Variants in ITGBL1 observed in about 807,000 individuals in gnomAD.
ITGBL1 encodes integrin subunit beta like 1.
In ITGBL1, 51 loss-of-function variants were observed where a neutral mutation model predicts 68.5. The observed-to-expected ratio is 0.74, with a 90% CI of 0.59 to 0.94. The LOEUF is 0.94. ITGBL1 is among the 40% of genes least tolerant of loss of function. The probability of loss-of-function intolerance (pLI) is 0.00; values close to 1 mark genes in which losing one functional copy is unlikely to be tolerated. For synonymous variants in ITGBL1, 209 were observed against 227.3 expected (o/e 0.92, Z 0.72); for missense variants, 649 against 647.4 (o/e 1.00, Z -0.03).
At chr13:101,633,185 G>A (rs1457400359) in intron 7 of ITGBL1, among the ~76,000 whole-genome samples, 1 of 152,138 alleles carries the variant, frequency 6.6e-6, no homozygotes, top group African/African-American at 2.4e-5. Context: ...GCATATCACA[G>A]TTGGGACCAC....
chr13:101,709,421 G>A (rs1342723930), intron 9 of ITGBL1, among the ~76,000 whole-genome samples: 1 of 150,242 alleles, frequency 6.7e-6, no homozygotes, highest in Non-Finnish European at 1.5e-5. Context: ...AGGAGGCAGG[G>A]ATGGAATTAA....
downstream of ITGBL1, chr13:101,716,463 A>ATATC (rs1407873006): frequency 6.6e-6 from 1 of 152,198 alleles, no homozygotes; most frequent in Non-Finnish European, 1.5e-5. Flanking sequence ...GTCAGTATAT[A>ATATC]TATCTACTGA....
At chr13:101,544,860 G>T (rs917051783) in intron 2 of ITGBL1, among the ~76,000 whole-genome samples, 1 of 152,232 alleles carries the variant, frequency 6.6e-6, no homozygotes, top group African/African-American at 2.4e-5. Context: ...AGTCAGGCGC[G>T]AGATATAATC....
At chr13:101,460,132 A>G (rs2048298568) in intron 2 of ITGBL1, among the ~76,000 whole-genome samples, 1 of 151,732 alleles carries the variant, frequency 6.6e-6, no homozygotes, top group South Asian at 2.1e-4. Context: ...TTCAATCCTC[A>G]TCCTGTCTTC....
chr13:101,579,801 A>T (rs573398671), intron 5 of ITGBL1, among the ~76,000 whole-genome samples: 1 of 152,320 alleles, frequency 6.6e-6, no homozygotes, highest in Admixed American at 6.5e-5. Context: ...AATTATCCGT[A>T]GAGAATTCAG....
intron 2 of ITGBL1, among the ~76,000 whole-genome samples, chr13:101,529,888 C>T (rs995392608): frequency 1.3e-5 from 2 of 152,094 alleles, no homozygotes; most frequent in African/African-American, 4.8e-5. Flanking sequence ...TCAGGTAGTT[C>T]TTTTTGGCAG....
chr13:101,620,250 T>C (rs1406994451), intron 7 of ITGBL1, among the ~76,000 whole-genome samples: 1 of 152,164 alleles, frequency 6.6e-6, no homozygotes, highest in Non-Finnish European at 1.5e-5. Context: ...GGAGTCCTTT[T>C]TAATAAAATG....
At chr13:101,475,789 T>TG (rs1468648462) in intron 2 of ITGBL1, among the ~76,000 whole-genome samples, 2 of 50,720 alleles carry the variant, frequency 3.9e-5, no homozygotes, top group Admixed American at 2.9e-4. Context: ...AAAATGCTGA[T>TG]GGGGGGCAGG....
At chr13:101,670,850 A>G (rs1473162223) in intron 7 of ITGBL1, among the ~76,000 whole-genome samples, 1 of 152,188 alleles carries the variant, frequency 6.6e-6, no homozygotes. Context: ...TTATATTTAT[A>G]TGAATATGTT....
chr13:101,567,468 T>A (rs1246386831), intron 2 of ITGBL1, among the ~76,000 whole-genome samples: 2 of 152,190 alleles, frequency 1.3e-5, no homozygotes, highest in Non-Finnish European at 2.9e-5. Context: ...ATTATCCTAA[T>A]GTCTTTATAA....
chr13:101,584,983 C>CAG (rs1427057798), intron 6 of ITGBL1, among the ~76,000 whole-genome samples: 7 of 151,666 alleles, frequency 4.6e-5, no homozygotes, highest in Non-Finnish European at 8.8e-5. Context: ...GCAGAAGGAA[C>CAG]AGAGGGATAG....
At chr13:101,674,070 T>G (rs1384199093) in intron 7 of ITGBL1, among the ~76,000 whole-genome samples, 2 of 152,228 alleles carry the variant, frequency 1.3e-5, no homozygotes, top group African/African-American at 2.4e-5. Flanking sequence ...ACTGACATAA[T>G]GAAGCCAGGA....
chr13:101,458,565 A>G (rs2048275555), intron 2 of ITGBL1, among the ~76,000 whole-genome samples: 1 of 152,210 alleles, frequency 6.6e-6, no homozygotes, highest in African/African-American at 2.4e-5. Flanking sequence ...AAAGAAATAC[A>G]GTCATTCCTT....
intron 8 of ITGBL1, among the ~76,000 whole-genome samples, chr13:101,694,398 C>T (rs977601185): frequency 3.3e-5 from 5 of 151,912 alleles, no homozygotes; most frequent in Admixed American, 6.6e-5. Context: ...GCTCTTGTTA[C>T]CATTGTTACT....
intron 2 of ITGBL1, among the ~76,000 whole-genome samples, chr13:101,488,607 G>A (rs1457682257): frequency 6.6e-6 from 1 of 152,166 alleles, no homozygotes; most frequent in Non-Finnish European, 1.5e-5. Flanking sequence ...TTAATAGAAA[G>A]TGCAGTTTAC....
At chr13:101,676,594 T>C (rs919958962) in intron 7 of ITGBL1, among the ~76,000 whole-genome samples, 1 of 152,166 alleles carries the variant, frequency 6.6e-6, no homozygotes, top group Non-Finnish European at 1.5e-5. Flanking sequence ...AAAGAGATTA[T>C]TTGGATAGAA....
intron 2 of ITGBL1, among the ~76,000 whole-genome samples, chr13:101,540,092 A>C (rs1015928083): frequency 3.3e-5 from 5 of 152,034 alleles, no homozygotes; most frequent in Non-Finnish European, 7.4e-5. Context: ...TTTTGTTGCC[A>C]TTGCTTTTGG....
At chr13:101,668,276 T>A (rs2033272358) in intron 7 of ITGBL1, among the ~76,000 whole-genome samples, 1 of 152,042 alleles carries the variant, frequency 6.6e-6, no homozygotes, top group Non-Finnish European at 1.5e-5. Flanking sequence ...TAATCCCAGC[T>A]ACTTGGGAGG....
intron 9 of ITGBL1, among the ~76,000 whole-genome samples, chr13:101,710,638 C>A (rs542469797): frequency 9.9e-5 from 15 of 152,230 alleles, no homozygotes; most frequent in Admixed American, 2.6e-4. Context: ...AAGTCCCTCA[C>A]CCTGATGGTC....
Sources: allele counts gnomAD v4.1 joint callset (sites outside exome capture counted in the v4.1 genomes callset), GRCh38; gene constraint gnomAD v4.1.1; transcripts MANE v1.5; gene names NCBI Gene and HGNC (gene_info 2026-07-23, HGNC 2026-07-21).